FHIP1A: variants seen among roughly 807,000 people sequenced by gnomAD.
The protein encoded by FHIP1A is FHF complex subunit HOOK-interacting protein 1A.
FHIP1A carries 61 observed loss-of-function variants against 88.6 expected under a neutral mutation model. The ratio of observed to expected loss-of-function variants is 0.69; its 90% CI spans 0.56 to 0.85. FHIP1A has a LOEUF of 0.85. Among genes scored for constraint, FHIP1A ranks in the 40% least tolerant of loss-of-function variants. FHIP1A has a pLI of 0.00. For missense variants in FHIP1A, 1,154 were observed against 1,273.5 expected (o/e 0.91, Z 1.43); for synonymous variants, 478 against 496.0 (o/e 0.96, Z 0.48).
At chr4:151,524,083 G>A (rs1051766094) in intron 3 of FHIP1A, among the ~76,000 whole-genome samples, 2 of 152,124 alleles carry the variant, frequency 1.3e-5, no homozygotes, top group Admixed American at 1.3e-4. Flanking sequence ...AGACCGAGGC[G>A]GGCAGATCAT....
At chr4:151,529,195 G>A (rs955106363) in intron 3 of FHIP1A, among the ~76,000 whole-genome samples, 2 of 152,114 alleles carry the variant, frequency 1.3e-5, no homozygotes, top group African/African-American at 4.8e-5. Flanking sequence ...TGTGACCTCA[G>A]GTAGTGGGAA....
chr4:151,575,668 A>G (rs895689995), intron 4 of FHIP1A, among the ~76,000 whole-genome samples: 2 of 152,178 alleles, frequency 1.3e-5, no homozygotes, highest in South Asian at 2.1e-4. Flanking sequence ...AGCATTATCA[A>G]CTTTATAATG....
At chr4:151,479,499 G>A (rs1729822494) in intron 2 of FHIP1A, among the ~76,000 whole-genome samples, 1 of 152,052 alleles carries the variant, frequency 6.6e-6, no homozygotes, top group African/African-American at 2.4e-5. Context: ...TTTTGAGAAT[G>A]AAATTATTCA....
In FHIP1A at chr4:151,549,232, C is replaced by T. The variant is rs114960503; in HGVS notation, c.-122-16906C>T. 4.2e-3 allele frequency among the ~76,000 whole-genome samples: 639 copies of T among 152,120 alleles called. 8 individuals carry two copies. The highest frequency in any genetic ancestry group is 0.02 in the Middle Eastern group (6 of 294). ...GGGGAACAGACGTAAACTACTGATT[C>T]GGACTGGTGGGAAAGTTGTTTAGTG... On this transcript the variant is annotated intron_variant, in intron 3 of 13. Coordinates refer to ENST00000435205, the MANE Select transcript of FHIP1A (RefSeq NM_001109977.3).
intron 1 of FHIP1A, among the ~76,000 whole-genome samples, chr4:151,443,890 G>A (rs915974708): frequency 6.6e-6 from 1 of 152,046 alleles, no homozygotes; most frequent in African/African-American, 2.4e-5. Flanking sequence ...CCTGAGATGT[G>A]TTGTCTGTCA....
chr4:151,586,609 A>G, intron 5 of FHIP1A, 32 bp from the exon 6 acceptor site: 2 of 1,517,846 alleles, frequency 1.3e-6, no homozygotes, highest in Non-Finnish European at 1.8e-6. Flanking sequence ...ACTTTGGAAA[A>G]GCATTTATTT....
intron 3 of FHIP1A, among the ~76,000 whole-genome samples, chr4:151,492,641 A>C (rs1203703434): frequency 1.3e-5 from 2 of 151,936 alleles, no homozygotes; most frequent in Non-Finnish European, 2.9e-5. Flanking sequence ...CTCCTCTCTC[A>C]GACCACAGTG....
chr4:151,517,920 A>C (rs1249574756), intron 3 of FHIP1A, among the ~76,000 whole-genome samples: 1 of 152,244 alleles, frequency 6.6e-6, no homozygotes, highest in African/African-American at 2.4e-5. Context: ...AGAGTCAAAA[A>C]GTTCAAAAAA....
intron 1 of FHIP1A, among the ~76,000 whole-genome samples, chr4:151,446,129 TTGTC>T (rs1265734376): frequency 6.6e-6 from 1 of 151,804 alleles, no homozygotes; most frequent in Non-Finnish European, 1.5e-5. Context: ...GTGTATGAAA[TTGTC>T]TGTGGCTCCC....
At chr4:151,581,640 C>A (rs1009312641) in intron 5 of FHIP1A, among the ~76,000 whole-genome samples, 1 of 152,000 alleles carries the variant, frequency 6.6e-6, no homozygotes, top group Non-Finnish European at 1.5e-5. Context: ...AGGATAGATC[C>A]CATAATCTCA....
intron 3 of FHIP1A, among the ~76,000 whole-genome samples, chr4:151,507,440 A>T (rs1485724781): frequency 6.6e-6 from 1 of 152,200 alleles, no homozygotes; most frequent in Non-Finnish European, 1.5e-5. Context: ...AATAAGAAAA[A>T]ATGTGAAAAG....
chr4:151,659,654 C>T (rs917977588), intron 13 of FHIP1A, among the ~76,000 whole-genome samples: 3 of 152,198 alleles, frequency 2.0e-5, no homozygotes, highest in African/African-American at 7.2e-5. Flanking sequence ...TACTTCCCTC[C>T]GTCCTGCCTT....
chr4:151,448,901 G>A (rs902653861), intron 1 of FHIP1A, among the ~76,000 whole-genome samples: 1 of 152,134 alleles, frequency 6.6e-6, no homozygotes, highest in African/African-American at 2.4e-5. Flanking sequence ...CTTACCGGCT[G>A]TACTATTTTA....
intron 1 of FHIP1A, among the ~76,000 whole-genome samples, chr4:151,419,008 G>A (rs1274108992): frequency 3.3e-5 from 5 of 152,008 alleles, no homozygotes; most frequent in African/African-American, 1.2e-4. Context: ...TTGCCTACTG[G>A]GTAATGACTC....
chr4:151,518,238 A>G (rs1390371643), intron 3 of FHIP1A, among the ~76,000 whole-genome samples: 1 of 152,186 alleles, frequency 6.6e-6, no homozygotes, highest in Non-Finnish European at 1.5e-5. Flanking sequence ...AATATTTACC[A>G]TCATGTTACA....
In FHIP1A at chr4:151,664,425, G is replaced by C. The variant is rs1277494981; in HGVS notation, c.*1671G>C. On this transcript the variant is annotated 3_prime_UTR_variant, in exon 14 of 14. Transcript: ENST00000435205. ...GAAATGACAACAGGAGACCTGGCCT[G>C]GGCAGGGTGAGCTGTTAGGAGCCAG... Among the ~76,000 whole-genome samples the C allele has an allele frequency of 6.6e-6, 1 of 152,242 alleles. No homozygotes were observed. Among genetic ancestry groups the C allele is most frequent in the Non-Finnish European group, 1.5e-5 (1 of 68,040 alleles).
chr4:151,594,843 G>A (rs1734587012), intron 7 of FHIP1A, among the ~76,000 whole-genome samples: 1 of 152,122 alleles, frequency 6.6e-6, no homozygotes, highest in Non-Finnish European at 1.5e-5. Flanking sequence ...AAAGTGCTGG[G>A]ATTACAGGTG....
intron 3 of FHIP1A, among the ~76,000 whole-genome samples, chr4:151,515,920 G>A (rs59811197): frequency 0.11 from 17,017 of 152,122 alleles, 998 homozygotes; most frequent in African/African-American, 0.13. Flanking sequence ...AGCTACCAAT[G>A]ACTTTCTTCA....
chr4:151,509,248 C>T (rs944550453), intron 3 of FHIP1A, among the ~76,000 whole-genome samples: 11 of 152,012 alleles, frequency 7.2e-5, no homozygotes, highest in African/African-American at 2.2e-4. Flanking sequence ...TCACAACCTC[C>T]GCCTCCTGGG....
Sources: allele counts gnomAD v4.1 joint callset (sites outside exome capture counted in the v4.1 genomes callset), GRCh38; gene constraint gnomAD v4.1.1; transcripts MANE v1.5; gene names NCBI Gene and HGNC (gene_info 2026-07-23, HGNC 2026-07-21).